Variants in MALRD1 observed in about 807,000 individuals in gnomAD.
MALRD1 encodes the protein MAM and LDL-receptor class A domain-containing protein 1.
In MALRD1, 247 loss-of-function variants were observed where a neutral mutation model predicts 242.1. That is an observed-to-expected ratio of 1.02 (90% CI 0.92 to 1.13). MALRD1 has a LOEUF of 1.13. MALRD1 is among the 50% of genes most tolerant of loss of function. The pLI, the probability that MALRD1 is intolerant of heterozygous loss-of-function variation, is 0.00. For missense variants in MALRD1, 2,989 were observed against 2,533.1 expected (o/e 1.18, Z -3.86); for synonymous variants, 995 against 866.6 (o/e 1.15, Z -2.60).
intron 29 of MALRD1, among the ~76,000 whole-genome samples, chr10:19,450,871 A>G (rs1451903339): frequency 6.6e-6 from 1 of 152,114 alleles, no homozygotes; most frequent in Non-Finnish European, 1.5e-5. Flanking sequence ...TGGAGCCCTT[A>G]TAAAATGAGC....
intron 31 of MALRD1, among the ~76,000 whole-genome samples, chr10:19,501,911 C>T (rs1001340185): frequency 1.3e-5 from 2 of 151,448 alleles, no homozygotes; most frequent in African/African-American, 4.9e-5. Flanking sequence ...TGCCTGTTGT[C>T]CCCACTACTC....
At chr10:19,183,093 T>C (rs1378035779) in intron 14 of MALRD1, among the ~76,000 whole-genome samples, 1 of 148,830 alleles carries the variant, frequency 6.7e-6, no homozygotes, top group African/African-American at 2.5e-5. Flanking sequence ...GACCTCCAGT[T>C]CTCTAAAGTC....
chr10:19,256,001 G>T (rs1037314589), intron 18 of MALRD1, among the ~76,000 whole-genome samples: 2 of 151,922 alleles, frequency 1.3e-5, no homozygotes, highest in East Asian at 1.9e-4. Context: ...CACCAGAATG[G>T]AGCTATGAAT....
rs35948766 is a variant in MALRD1 at position 19,108,387 on chromosome 10, C to CTTTTTTTTTTTTTTTTTTTT, written c.694+4331_694+4350dup. 3.0e-4 allele frequency among the ~76,000 whole-genome samples: 6 copies of CTTTTTTTTTTTTTTTTTTTT among 19,764 alleles called. 3 individuals are homozygous for CTTTTTTTTTTTTTTTTTTTT. Among genetic ancestry groups the CTTTTTTTTTTTTTTTTTTTT allele is most frequent in the Admixed American group, 1.3e-3 (2 of 1,486 alleles). The allele number at this position is 19,764 out of a possible 152,430, so 13.0% of individuals were successfully genotyped here. A position where few individuals can be genotyped will look rare whatever the true frequency, so the allele number is the denominator to read the frequency against. ...TTATTGAGCTCATGAATTGTTTTTTCTTTTTTTTTTTTTTTTTTTTTTTTT... is the reference window on the plus strand; with the variant it reads ...TTATTGAGCTCATGAATTGTTTTTTCTTTTTTTTTTTTTTTTTTTTTTTTTTTTTTTTTTTTTTTTTTTTT... On this transcript the variant is annotated intron_variant, in intron 5 of 39. Transcript: ENST00000454679.
At chr10:19,419,054 A>T (rs1033044098) in intron 28 of MALRD1, among the ~76,000 whole-genome samples, 1 of 152,242 alleles carries the variant, frequency 6.6e-6, no homozygotes, top group South Asian at 2.1e-4. Context: ...GATGAACTCA[A>T]CCATTTCAGT....
intron 34 of MALRD1, among the ~76,000 whole-genome samples, chr10:19,604,567 A>G (rs566818718): frequency 6.6e-6 from 1 of 152,262 alleles, no homozygotes; most frequent in Non-Finnish European, 1.5e-5. Flanking sequence ...GCAAATGCTG[A>G]GATGGAGAAG....
chr10:19,290,522 GC>G (rs1440206310), intron 21 of MALRD1: 3 of 152,088 alleles, frequency 2.0e-5, no homozygotes, highest in African/African-American at 7.2e-5. Context: ...ATCATCAGTT[GC>G]AATTTACATG....
chr10:19,719,356 G>C (rs969725264), intron 38 of MALRD1, among the ~76,000 whole-genome samples: 1 of 150,490 alleles, frequency 6.6e-6, no homozygotes, highest in Admixed American at 6.7e-5. Context: ...GAAGTGGAGT[G>C]AAGACGGAGC....
At chr10:19,072,352 A>G (rs1835178925) in intron 2 of MALRD1, among the ~76,000 whole-genome samples, 1 of 152,210 alleles carries the variant, frequency 6.6e-6, no homozygotes, top group Non-Finnish European at 1.5e-5. Flanking sequence ...CAAAATACAT[A>G]AAGCATGGCT....
intron 31 of MALRD1, among the ~76,000 whole-genome samples, chr10:19,521,642 G>T (rs1013430463): frequency 6.6e-4 from 100 of 152,178 alleles, no homozygotes; most frequent in African/African-American, 2.3e-3. Flanking sequence ...TTCAGTCTCT[G>T]TCCTCTTGAA....
intron 5 of MALRD1, among the ~76,000 whole-genome samples, chr10:19,112,861 T>C (rs1836727682): frequency 2.0e-5 from 3 of 152,196 alleles, no homozygotes; most frequent in Admixed American, 2.0e-4. Flanking sequence ...TCTTTCAAAA[T>C]CTGTTCCCTC....
intron 28 of MALRD1, among the ~76,000 whole-genome samples, chr10:19,412,573 G>A (rs1051965676): frequency 6.6e-6 from 1 of 152,198 alleles, no homozygotes; most frequent in African/African-American, 2.4e-5. Flanking sequence ...TAAGAAATTA[G>A]TATTAAAACA....
intron 28 of MALRD1, among the ~76,000 whole-genome samples, chr10:19,405,431 C>T (rs7923557): frequency 0.87 from 132,189 of 152,110 alleles, 57,793 homozygotes; most frequent in African/African-American, 0.92. Flanking sequence ...TTTTGGCCAT[C>T]GATTATTCTG....
chr10:19,412,277 C>T (rs115998905), intron 28 of MALRD1, among the ~76,000 whole-genome samples: 3,020 of 152,212 alleles, frequency 0.02, 37 homozygotes, highest in Middle Eastern at 0.034. Context: ...GGTGAAAGAG[C>T]GAAACTCGGT....
At chr10:19,455,909 G>C (rs4748578) in intron 29 of MALRD1, among the ~76,000 whole-genome samples, 67,344 of 151,418 alleles carry the variant, frequency 0.44, 15,475 homozygotes, top group African/African-American at 0.56. Context: ...TTAATTCCTG[G>C]CATTTGTCTC....
intron 21 of MALRD1, among the ~76,000 whole-genome samples, chr10:19,295,292 A>T (rs1841642967): frequency 6.6e-6 from 1 of 152,080 alleles, no homozygotes; most frequent in African/African-American, 2.4e-5. Context: ...TTTTGCAATC[A>T]GTTTATGAGA....
At chr10:19,383,791 G>C (rs965293188) in intron 26 of MALRD1, among the ~76,000 whole-genome samples, 10 of 151,668 alleles carry the variant, frequency 6.6e-5, no homozygotes, top group African/African-American at 2.4e-4. Context: ...TTCTTATTCA[G>C]TATTAAATAG....
At chr10:19,171,192 A>G (rs962685990) in intron 13 of MALRD1, among the ~76,000 whole-genome samples, 9 of 151,780 alleles carry the variant, frequency 5.9e-5, no homozygotes, top group Non-Finnish European at 1.2e-4. Context: ...ATAATTGAAT[A>G]AAACAAAAAT....
intron 36 of MALRD1, among the ~76,000 whole-genome samples, chr10:19,663,955 C>G (rs1000966131): frequency 1.3e-5 from 2 of 151,968 alleles, no homozygotes; most frequent in African/African-American, 4.8e-5. Context: ...GGGTTGTGGC[C>G]TTTTCTACTT....
Sources: gnomAD v4.1 joint callset for allele counts (sites outside exome capture counted in the v4.1 genomes callset) on GRCh38, gnomAD v4.1.1 for gene constraint, MANE v1.5 for transcripts, NCBI Gene and HGNC (gene_info 2026-07-23, HGNC 2026-07-21) for gene names.